Variants in METTL16 observed in about 807,000 individuals in gnomAD.
METTL16 encodes methyltransferase 16, RNA N6-adenosine, also known as RNA N(6)-adenosine-methyltransferase METTL16.
In METTL16, 19 loss-of-function variants were observed where a neutral mutation model predicts 57.9. The ratio of observed to expected loss-of-function variants is 0.33; its 90% CI spans 0.23 to 0.48. METTL16 has a LOEUF of 0.48. METTL16 is among the 20% of genes least tolerant of loss of function. The probability of loss-of-function intolerance (pLI) is 0.99; values close to 1 mark genes in which losing one functional copy is unlikely to be tolerated. For missense variants in METTL16, 434 were observed against 691.5 expected (o/e 0.63, Z 4.18); for synonymous variants, 246 against 255.6 (o/e 0.96, Z 0.36).
chr17:2,430,484 C>T (rs1368822813), intron 8 of METTL16, among the ~76,000 whole-genome samples: 6 of 136,396 alleles, frequency 4.4e-5, no homozygotes, highest in African/African-American at 1.1e-4. Context: ...GGCGGGATCT[C>T]GGCTCACTGC....
At chr17:2,469,630 T>C (rs2067223867) in intron 4 of METTL16, among the ~76,000 whole-genome samples, 1 of 152,152 alleles carries the variant, frequency 6.6e-6, no homozygotes, top group East Asian at 1.9e-4. Flanking sequence ...GTTCAAGCGA[T>C]TCTCCTGCCT....
chr17:2,449,707 A>C (rs1043511252), intron 6 of METTL16, among the ~76,000 whole-genome samples: 1 of 152,190 alleles, frequency 6.6e-6, no homozygotes, highest in African/African-American at 2.4e-5. Flanking sequence ...AAAGGCCACT[A>C]AAGGTTTGGT....
At chr17:2,510,461 A>G (rs1597478620) in intron 1 of METTL16, among the ~76,000 whole-genome samples, 1 of 152,216 alleles carries the variant, frequency 6.6e-6, no homozygotes, top group African/African-American at 2.4e-5. Flanking sequence ...CACACACAAC[A>G]TAATACTCTG....
intron 2 of METTL16, among the ~76,000 whole-genome samples, chr17:2,486,126 T>C (rs777964425): frequency 6.6e-6 from 1 of 152,080 alleles, no homozygotes; most frequent in Non-Finnish European, 1.5e-5. Context: ...AAAGTAAGCG[T>C]ATATAGTTCA....
intron 8 of METTL16, among the ~76,000 whole-genome samples, chr17:2,435,802 G>T (rs113783469): frequency 6.6e-6 from 1 of 151,128 alleles, no homozygotes; most frequent in African/African-American, 2.4e-5. Context: ...ACTCTGGTAG[G>T]GGGGGAATCT....
At chr17:2,477,084 G>T (rs1255359944) in intron 3 of METTL16, among the ~76,000 whole-genome samples, 2 of 152,140 alleles carry the variant, frequency 1.3e-5, no homozygotes, top group Non-Finnish European at 2.9e-5. Flanking sequence ...GCTCATGCCT[G>T]TAATCCCAGC....
intron 7 of METTL16, among the ~76,000 whole-genome samples, chr17:2,438,465 T>C (rs2066923926): frequency 1.3e-5 from 2 of 152,188 alleles, no homozygotes; most frequent in Non-Finnish European, 2.9e-5. Context: ...AACACAGCTC[T>C]TTAGAGAATT....
At chr17:2,492,741 A>C (rs576785244) in intron 2 of METTL16, among the ~76,000 whole-genome samples, 58 of 151,786 alleles carry the variant, frequency 3.8e-4, no homozygotes, top group South Asian at 2.7e-3. Flanking sequence ...AATAAAAAAT[A>C]AAAAAATTAG....
At chr17:2,470,332 G>C (rs567613001) in intron 4 of METTL16, among the ~76,000 whole-genome samples, 1 of 152,034 alleles carries the variant, frequency 6.6e-6, no homozygotes. Flanking sequence ...CCAAAACGTG[G>C]TATTAAATAG....
chr17:2,489,646 G>A (rs1244122831), intron 2 of METTL16, among the ~76,000 whole-genome samples: 3 of 137,874 alleles, frequency 2.2e-5, no homozygotes, highest in African/African-American at 7.9e-5. Flanking sequence ...GGCTGAGGCA[G>A]GAGAATCGCT....
intron 8 of METTL16, among the ~76,000 whole-genome samples, chr17:2,429,484 G>A (rs575541004): frequency 6.6e-6 from 1 of 150,426 alleles, no homozygotes; most frequent in East Asian, 1.9e-4. Flanking sequence ...CACTGTGCTC[G>A]GCCAAGAATC....
intron 6 of METTL16, among the ~76,000 whole-genome samples, chr17:2,460,522 C>T (rs957154710): frequency 1.3e-5 from 2 of 152,114 alleles, no homozygotes; most frequent in Admixed American, 6.6e-5. Context: ...AAAACAACCC[C>T]ATTATTATTG....
chr17:2,438,288 C>T, intron 7 of METTL16, 90 bp from the exon 8 acceptor site: 1 of 929,244 alleles, frequency 1.1e-6, no homozygotes, highest in Non-Finnish European at 1.8e-6. Flanking sequence ...TATGTTGATC[C>T]TTCTTTTTAA....
chr17:2,507,405 G>A (rs1243314879), intron 1 of METTL16, among the ~76,000 whole-genome samples: 48 of 147,854 alleles, frequency 3.2e-4, no homozygotes, highest in Non-Finnish European at 5.7e-4. Flanking sequence ...CCGGCCAGCC[G>A]CCCCATCCGG....
chr17:2,450,851 TTTTCAAGAATTTAA>T (rs1451370940), intron 6 of METTL16, among the ~76,000 whole-genome samples: 2 of 152,112 alleles, frequency 1.3e-5, no homozygotes, highest in African/African-American at 2.4e-5. Context: ...ACAAGATGAA[TTTTCAAGAATTTAA>T]TTTCAAGAAT....
At chr17:2,436,125 G>A (rs1233814509) in intron 8 of METTL16, among the ~76,000 whole-genome samples, 1 of 152,136 alleles carries the variant, frequency 6.6e-6, no homozygotes, top group East Asian at 1.9e-4. Flanking sequence ...CCAGTTTGCT[G>A]CAGCTGTTAG....
rs1459521072 is a variant in METTL16 at position 2,416,963 on chromosome 17, A to G, written c.*3007T>C. Reference sequence around the variant, plus strand: ...TATTTTCAATGTTCTCTCACTAGGTAGCCTAAGAAAATCTTCTCAGGGAAG... The same window carrying G: ...TATTTTCAATGTTCTCTCACTAGGTGGCCTAAGAAAATCTTCTCAGGGAAG... On this transcript the variant is annotated 3_prime_UTR_variant, in exon 10 of 10. Coordinates refer to ENST00000263092, the MANE Select transcript of METTL16 (RefSeq NM_024086.4). 2 of 151,624 alleles carry G rather than the reference A, an allele frequency of 1.3e-5. No individual in the cohort carries two copies. The highest frequency in any genetic ancestry group is 4.8e-5 in the African/African-American group (2 of 41,266). The allele number at this position is 151,624 out of a possible 1,614,324, so 9.4% of individuals were successfully genotyped here.
intron 2 of METTL16, among the ~76,000 whole-genome samples, chr17:2,479,624 C>G (rs908021933): frequency 6.6e-6 from 1 of 152,060 alleles, no homozygotes; most frequent in Non-Finnish European, 1.5e-5. Context: ...TTTCTGCTCC[C>G]CTGCCTGGTC....
intron 3 of METTL16, chr17:2,477,461 A>C (rs1223783846): frequency 3.8e-6 from 2 of 522,346 alleles, no homozygotes; most frequent in Non-Finnish European, 6.9e-6. Flanking sequence ...CCTAACCCCC[A>C]AATCTGGAAC....
Sources: gnomAD v4.1 joint callset for allele counts (sites outside exome capture counted in the v4.1 genomes callset) on GRCh38, gnomAD v4.1.1 for gene constraint, MANE v1.5 for transcripts, NCBI Gene and HGNC (gene_info 2026-07-23, HGNC 2026-07-21) for gene names.